Variants in SYT1 observed in about 807,000 individuals in gnomAD.
SYT1 encodes the protein synaptotagmin 1.
SYT1 carries 8 observed loss-of-function variants against 44.8 expected under a neutral mutation model. The observed-to-expected ratio is 0.18, with a 90% CI of 0.10 to 0.32. The LOEUF (loss-of-function observed/expected upper bound fraction) is 0.32. SYT1 is among the 10% of genes least tolerant of loss of function. SYT1 has a pLI of 1.00. For synonymous variants in SYT1, 154 were observed against 188.8 expected (o/e 0.82, Z 1.51); for missense variants, 286 against 509.3 (o/e 0.56, Z 4.22).
chr12:79,296,082 T>C lies in SYT1; in HGVS notation c.488T>C (p.Ile163Thr). 1 of 1,611,488 alleles carries C rather than the reference T, an allele frequency of 6.2e-7. No homozygotes were observed. Among genetic ancestry groups the C allele is most frequent in the Non-Finnish European group, 8.5e-7 (1 of 1,179,126 alleles). Residue 163 changes from isoleucine to threonine, a missense_variant, in exon 7 of 11, where the codon ATC (isoleucine) becomes ACC (threonine). This residue lies in a region of SYT1 where 81 missense variants were observed against 164.9 expected (regional missense o/e 0.49). Transcript: ENST00000261205. ...DFQNNQLLVG[I>T]IQAAELPALD... is the part of the protein sequence containing the mutation. ...CATTTATTTCAGCTGCTGGTAGGGA[T>C]CATTCAGGCTGCCGAACTGCCCGCC... is the stretch of plus-strand genomic sequence containing the variant.
chr12:79,389,955 C>T (rs568907159), intron 9 of SYT1, among the ~76,000 whole-genome samples: 119 of 149,706 alleles, frequency 7.9e-4, no homozygotes, highest in Non-Finnish European at 5.2e-4. Flanking sequence ...TTTTTTGAGA[C>T]GGAGTCTTGC....
At chr12:79,285,704 T>A in intron 4 of SYT1, 83 bp from the exon 5 acceptor site, 1 of 1,072,266 alleles carries the variant, frequency 9.3e-7, no homozygotes, top group Non-Finnish European at 1.3e-6. Context: ...ATGAAAAAAA[T>A]GAATATCTTT....
At chr12:79,253,219 T>A (rs1231765501) in intron 4 of SYT1, among the ~76,000 whole-genome samples, 2 of 152,164 alleles carry the variant, frequency 1.3e-5, no homozygotes, top group African/African-American at 4.8e-5. Flanking sequence ...TTTTACAAAT[T>A]GAAGATTTTT....
At chr12:79,347,350 C>A (rs2075306960) in intron 8 of SYT1, among the ~76,000 whole-genome samples, 1 of 152,054 alleles carries the variant, frequency 6.6e-6, no homozygotes, top group South Asian at 2.1e-4. Flanking sequence ...TAGGAGCAGC[C>A]CACATCCAAT....
At position 79,185,396 on chromosome 12, in the gene SYT1, A is replaced by T. The variant is rs571213385; in HGVS notation, c.-17-32107A>T. ...ACTTTTAGGGTTGAATGCACATTGGAGTGATCTAGTGTGAGATTTTACAGA... is the reference window on the plus strand; with the variant it reads ...ACTTTTAGGGTTGAATGCACATTGGTGTGATCTAGTGTGAGATTTTACAGA... On this transcript the variant is annotated intron_variant, in intron 3 of 10. Transcript: ENST00000261205. Among the ~76,000 whole-genome samples the T allele has an allele frequency of 3.3e-5, 5 of 152,054 alleles. No individual in the cohort carries two copies. In the East Asian group the frequency reaches 7.7e-4, roughly 24 times the overall value.
At chr12:79,310,493 A>T (rs1373691403) in intron 8 of SYT1, among the ~76,000 whole-genome samples, 1 of 151,974 alleles carries the variant, frequency 6.6e-6, no homozygotes, top group Non-Finnish European at 1.5e-5. Context: ...TTGACTTGGC[A>T]ATGCAGGCTC....
At chr12:78,951,983 T>C (rs925488925) in intron 1 of SYT1, among the ~76,000 whole-genome samples, 2 of 152,000 alleles carry the variant, frequency 1.3e-5, no homozygotes, top group Non-Finnish European at 2.9e-5. Context: ...TGGTAACTGG[T>C]TGGTGGGATA....
intron 2 of SYT1, among the ~76,000 whole-genome samples, chr12:78,981,569 T>C (rs983634389): frequency 6.6e-6 from 1 of 151,984 alleles, no homozygotes; most frequent in Non-Finnish European, 1.5e-5. Flanking sequence ...AAGGGAGAAC[T>C]AATGAATCTT....
intron 3 of SYT1, among the ~76,000 whole-genome samples, chr12:79,173,734 T>C (rs1297118605): frequency 1.3e-5 from 2 of 152,050 alleles, no homozygotes; most frequent in Non-Finnish European, 2.9e-5. Flanking sequence ...AAGAAATAAC[T>C]AGAAGAATTT....
chr12:78,948,108 A>T (rs1878766972), intron 1 of SYT1, among the ~76,000 whole-genome samples: 1 of 151,818 alleles, frequency 6.6e-6, no homozygotes, highest in Non-Finnish European at 1.5e-5. Flanking sequence ...CATTTAATTA[A>T]GAAAAAGAGA....
intron 2 of SYT1, among the ~76,000 whole-genome samples, chr12:79,014,122 CAAAAAAAAAAAAAAAAGAAAAAAAA>C (rs529431376): frequency 0.025 from 998 of 39,734 alleles, 12 homozygotes; most frequent in African/African-American, 0.073. Flanking sequence ...AGACTCTCTC[CAAAAAAAAAAAAAAAAGAAAAAAAA>C]AAAAAAGAAA....
chr12:79,238,100 T>C (rs113236446), intron 4 of SYT1, among the ~76,000 whole-genome samples: 7 of 152,238 alleles, frequency 4.6e-5, no homozygotes, highest in African/African-American at 1.7e-4. Context: ...CAGAGTTTTG[T>C]GGTTAACAGT....
At chr12:79,392,101 A>G (rs2136095901) in intron 9 of SYT1, among the ~76,000 whole-genome samples, 1 of 152,358 alleles carries the variant, frequency 6.6e-6, no homozygotes, top group East Asian at 1.9e-4. Context: ...TCTCCAAAGA[A>G]GGAAGAGTTT....
chr12:79,373,804 C>T (rs1396232725), intron 9 of SYT1, among the ~76,000 whole-genome samples: 2 of 151,982 alleles, frequency 1.3e-5, no homozygotes, highest in Non-Finnish European at 2.9e-5. Flanking sequence ...ATCATTTTTA[C>T]CTGTAGGCAT....
intron 1 of SYT1, among the ~76,000 whole-genome samples, chr12:78,929,024 TA>T (rs900015838): frequency 4.6e-5 from 7 of 151,770 alleles, no homozygotes; most frequent in East Asian, 1.9e-4. Flanking sequence ...GATTGTTAAC[TA>T]AAAAAAAGAT....
intron 2 of SYT1, among the ~76,000 whole-genome samples, chr12:79,043,095 A>C (rs1248825355): frequency 4.0e-5 from 6 of 150,316 alleles, no homozygotes; most frequent in Admixed American, 6.6e-5. Flanking sequence ...AAAAAAATGT[A>C]TATTCTGTTG....
At chr12:79,206,869 A>C (rs1009702678) in intron 3 of SYT1, among the ~76,000 whole-genome samples, 4 of 152,240 alleles carry the variant, frequency 2.6e-5, no homozygotes, top group African/African-American at 9.6e-5. Flanking sequence ...ATCGAGGTGA[A>C]AACCAGGCCA....
At chr12:79,254,893 A>T (rs1565877783) in intron 4 of SYT1, among the ~76,000 whole-genome samples, 1 of 152,240 alleles carries the variant, frequency 6.6e-6, no homozygotes, top group Non-Finnish European at 1.5e-5. Context: ...ATGATAAAAC[A>T]TTAACAGATA....
chr12:79,295,987 A>G (rs953561809), intron 6 of SYT1, 82 bp from the exon 7 acceptor site: 1 of 1,403,506 alleles, frequency 7.1e-7, no homozygotes, highest in Non-Finnish European at 9.6e-7. Context: ...AGAAATCCCA[A>G]TATGCAGCAT....
Sources: allele counts gnomAD v4.1 joint callset (sites outside exome capture counted in the v4.1 genomes callset), GRCh38; gene constraint gnomAD v4.1.1; regional missense constraint gnomAD v4.1.1; transcripts MANE v1.5; gene names NCBI Gene and HGNC (gene_info 2026-07-23, HGNC 2026-07-21).